Variants in NRXN1 observed in about 807,000 individuals in gnomAD.
The protein encoded by NRXN1 is neurexin-1.
NRXN1 carries 39 observed loss-of-function variants against 150.9 expected under a neutral mutation model. The ratio of observed to expected loss-of-function variants is 0.26; its 90% CI spans 0.20 to 0.34. The LOEUF is 0.34. Among genes scored for constraint, NRXN1 ranks in the 10% least tolerant of loss-of-function variants. The pLI is 1.00. For missense variants in NRXN1, 1,815 were observed against 1,949.9 expected, an observed-to-expected ratio of 0.93 and a Z score of 1.30; for synonymous variants, 924 against 757.0, an observed-to-expected ratio of 1.22 and a Z score of -3.62.
intron 17 of NRXN1, among the ~76,000 whole-genome samples, chr2:50,320,001 G>A (rs926750115): frequency 2.0e-5 from 3 of 151,708 alleles, no homozygotes; most frequent in African/African-American, 7.3e-5. Context: ...GCAACAAGAG[G>A]TACACAGGTA....
At chr2:50,228,837 A>G (rs2064661788) in intron 18 of NRXN1, among the ~76,000 whole-genome samples, 1 of 151,970 alleles carries the variant, frequency 6.6e-6, no homozygotes, top group African/African-American at 2.4e-5. Context: ...GTGATCTTCC[A>G]GGGCAGTTGA....
At chr2:50,338,163 C>T (rs1041348045) in intron 17 of NRXN1, among the ~76,000 whole-genome samples, 2 of 152,200 alleles carry the variant, frequency 1.3e-5, no homozygotes, top group Non-Finnish European at 2.9e-5. Flanking sequence ...TATTATTCAT[C>T]TTATTCCAGC....
chr2:50,430,372 C>T (rs1256463032), intron 17 of NRXN1, among the ~76,000 whole-genome samples: 1 of 152,194 alleles, frequency 6.6e-6, no homozygotes, highest in Non-Finnish European at 1.5e-5. Flanking sequence ...TATACCAACA[C>T]TATCCAATAG....
chr2:50,545,324 A>T (rs1332199661), intron 9 of NRXN1, among the ~76,000 whole-genome samples: 1 of 152,208 alleles, frequency 6.6e-6, no homozygotes, highest in Admixed American at 6.5e-5. Flanking sequence ...GAAGGTTGTA[A>T]ATATCAATCA....
At chr2:50,238,154 G>T (rs1222158795) in intron 17 of NRXN1, among the ~76,000 whole-genome samples, 3 of 152,060 alleles carry the variant, frequency 2.0e-5, no homozygotes, top group South Asian at 2.1e-4. Context: ...TAGAGCATTT[G>T]GTGCACTAGT....
intron 5 of NRXN1, among the ~76,000 whole-genome samples, chr2:50,907,171 A>T (rs1683825718): frequency 6.7e-6 from 1 of 149,932 alleles, no homozygotes; most frequent in South Asian, 2.1e-4. Flanking sequence ...AAGAATCTGA[A>T]AAAAACCAAA....
intron 18 of NRXN1, among the ~76,000 whole-genome samples, chr2:50,114,365 C>T (rs1464121799): frequency 6.6e-6 from 1 of 152,128 alleles, no homozygotes; most frequent in Non-Finnish European, 1.5e-5. Context: ...ACACCAAAGG[C>T]TGGTGAGAAT....
chr2:50,964,780 T>A (rs1023893664), intron 2 of NRXN1, among the ~76,000 whole-genome samples: 9 of 151,434 alleles, frequency 5.9e-5, no homozygotes, highest in African/African-American at 1.7e-4. Flanking sequence ...CATTGTTAAA[T>A]AACCAGGTAT....
chr2:50,588,293 G>C (rs1025290128), intron 8 of NRXN1, among the ~76,000 whole-genome samples: 4 of 152,076 alleles, frequency 2.6e-5, no homozygotes, highest in African/African-American at 9.7e-5. Flanking sequence ...TGGAAAAATA[G>C]AATCTGAGCC....
chr2:50,384,824 G>T (rs886730743), intron 17 of NRXN1, among the ~76,000 whole-genome samples: 1 of 152,018 alleles, frequency 6.6e-6, no homozygotes, highest in African/African-American at 2.4e-5. Context: ...ACCTACACAT[G>T]GGCCTGTTTT....
intron 17 of NRXN1, among the ~76,000 whole-genome samples, chr2:50,272,388 A>T (rs1390760712): frequency 3.3e-5 from 5 of 152,174 alleles, no homozygotes; most frequent in Non-Finnish European, 7.4e-5. Flanking sequence ...TTAGTTTACC[A>T]CTACTATATT....
chr2:50,006,405 C>T (rs1684775485), intron 21 of NRXN1, among the ~76,000 whole-genome samples: 1 of 152,086 alleles, frequency 6.6e-6, no homozygotes, highest in African/African-American at 2.4e-5. Flanking sequence ...ACATCAATTG[C>T]TCTCTAATGC....
At chr2:50,506,679 C>T (rs2092240706) in intron 12 of NRXN1, 62 bp from the exon 13 acceptor site, 2 of 1,565,566 alleles carry the variant, frequency 1.3e-6, no homozygotes, top group South Asian at 1.2e-5. Flanking sequence ...ATGAACCTCA[C>T]AGAGAGTGAG....
chr2:50,472,795 TTGTGTGTGTGTG>T (rs113192574), intron 15 of NRXN1, among the ~76,000 whole-genome samples: 36 of 138,644 alleles, frequency 2.6e-4, no homozygotes, highest in Middle Eastern at 7.0e-3. Flanking sequence ...CCCTACAGCC[TTGTGTGTGTGTG>T]TGTGTGTGTG....
intron 17 of NRXN1, among the ~76,000 whole-genome samples, chr2:50,325,888 C>T (rs906515585): frequency 6.6e-6 from 1 of 152,144 alleles, no homozygotes; most frequent in Non-Finnish European, 1.5e-5. Flanking sequence ...CTTTACTTTT[C>T]CTTCTTCACA....
Position 50,417,431 on chromosome 2 carries a change from G to A in NRXN1, c.3364+48011C>T, listed in dbSNP as rs113791843. On this transcript the variant is annotated intron_variant, in intron 17 of 22. Coordinates refer to ENST00000401669, the MANE Select transcript of NRXN1 (RefSeq NM_001330078.2). ...AAGCTTCTGCTTCACTACGAATGAA[G>A]AAGACTAAAATTTCTCTGAAGAGAA... Among the ~76,000 whole-genome samples, 635 of 152,124 alleles carry A rather than the reference G, an allele frequency of 4.2e-3. 6 individuals are homozygous for A. The highest frequency in any genetic ancestry group is 4.1e-3 in the Non-Finnish European group (277 of 67,966).
intron 5 of NRXN1, among the ~76,000 whole-genome samples, chr2:50,768,121 C>A (rs1702577804): frequency 1.3e-5 from 2 of 152,050 alleles, no homozygotes; most frequent in Non-Finnish European, 2.9e-5. Flanking sequence ...GCAACCAACC[C>A]CTTTTCCCAT....
chr2:50,934,167 C>A (rs1472083868), intron 2 of NRXN1, among the ~76,000 whole-genome samples: 1 of 152,012 alleles, frequency 6.6e-6, no homozygotes, highest in African/African-American at 2.4e-5. Flanking sequence ...CATATACACA[C>A]CCAATTGGTA....
At chr2:50,067,536 A>G (rs2152659161) in intron 19 of NRXN1, among the ~76,000 whole-genome samples, 1 of 152,340 alleles carries the variant, frequency 6.6e-6, no homozygotes, top group South Asian at 2.1e-4. Flanking sequence ...GCAAGAAATG[A>G]AAAGCAGCAG....
Sources: gnomAD v4.1 joint callset for allele counts (sites outside exome capture counted in the v4.1 genomes callset) on GRCh38, gnomAD v4.1.1 for gene constraint, MANE v1.5 for transcripts, NCBI Gene and HGNC (gene_info 2026-07-23, HGNC 2026-07-21) for gene names.